SNAP29: variants seen among roughly 807,000 people sequenced by gnomAD.
SNAP29 encodes synaptosome associated protein 29.
A neutral mutation model predicts 27.9 loss-of-function variants in SNAP29; 13 were observed. That is an observed-to-expected ratio of 0.47 (90% CI 0.30 to 0.74). The LOEUF (loss-of-function observed/expected upper bound fraction) is 0.74. Among genes scored for constraint, SNAP29 ranks in the 30% least tolerant of loss-of-function variants. The pLI, the probability that SNAP29 is intolerant of heterozygous loss-of-function variation, is 0.06. For synonymous variants in SNAP29, 119 were observed against 127.1 expected (o/e 0.94, Z 0.43); for missense variants, 368 against 336.5 (o/e 1.09, Z -0.73).
At chr22:20,868,391 C>T (rs1361984840) in intron 1 of SNAP29, among the ~76,000 whole-genome samples, 1 of 152,260 alleles carries the variant, frequency 6.6e-6, no homozygotes, top group East Asian at 1.9e-4. Flanking sequence ...AAGAGTTAAA[C>T]AAAGTTTAAT....
intron 1 of SNAP29, among the ~76,000 whole-genome samples, chr22:20,863,630 A>G (rs1928386427): frequency 6.6e-6 from 1 of 151,096 alleles, no homozygotes; most frequent in Non-Finnish European, 1.5e-5. Context: ...CTTGTAAGCC[A>G]CTCGTCTCTT....
intron 1 of SNAP29, among the ~76,000 whole-genome samples, chr22:20,860,469 A>G (rs372551481): frequency 2.0e-5 from 3 of 149,020 alleles, no homozygotes; most frequent in South Asian, 4.3e-4. Context: ...TCCGGGATTC[A>G]GACGATTCTC....
intron 2 of SNAP29, among the ~76,000 whole-genome samples, chr22:20,872,622 G>A (rs545803828): frequency 1.3e-4 from 19 of 151,812 alleles, no homozygotes; most frequent in Non-Finnish European, 2.2e-4. Context: ...GGATGGTCTC[G>A]ACCTCCTGAC....
At chr22:20,862,568 G>T (rs1197290687) in intron 1 of SNAP29, among the ~76,000 whole-genome samples, 2 of 152,174 alleles carry the variant, frequency 1.3e-5, no homozygotes, top group African/African-American at 4.8e-5. Flanking sequence ...AGGCAAAAAT[G>T]TAATAGTGGT....
At chr22:20,870,852 T>G in intron 2 of SNAP29, 2 of 393,374 alleles carry the variant, frequency 5.1e-6, no homozygotes, top group South Asian at 4.3e-5. Context: ...AAAAAATCTT[T>G]AGGGCTGGGT....
rs148807162 is a variant in SNAP29 at position 20,869,152 on chromosome 22, C to G, written c.238-1185C>G. 5.6e-3 allele frequency among the ~76,000 whole-genome samples: 860 copies of G among 152,318 alleles called. 5 individuals carry two copies. Among genetic ancestry groups the G allele is most frequent in the African/African-American group, 0.019 (798 of 41,566 alleles). On this transcript the variant is annotated intron_variant, in intron 1 of 4. Coordinates refer to ENST00000215730, the MANE Select transcript of SNAP29 (RefSeq NM_004782.4). Reference sequence around the variant, plus strand: ...GCAGGCGCCTGGAATCCCAGCTACTCAGGAGACTGAGGCAGGAGAATCGCT... The same window carrying G: ...GCAGGCGCCTGGAATCCCAGCTACTGAGGAGACTGAGGCAGGAGAATCGCT...
At chr22:20,869,925 A>G (rs1017094744) in intron 1 of SNAP29, among the ~76,000 whole-genome samples, 17 of 151,920 alleles carry the variant, frequency 1.1e-4, no homozygotes, top group Admixed American at 1.1e-3. Context: ...TGCCCGCCAC[A>G]ACACCTGGCT....
intron 2 of SNAP29, among the ~76,000 whole-genome samples, chr22:20,874,256 C>G (rs1601649801): frequency 6.6e-6 from 1 of 151,068 alleles, no homozygotes; most frequent in African/African-American, 2.4e-5. Context: ...GAGCTGAGAT[C>G]ACGCCACTGC....
intron 1 of SNAP29, among the ~76,000 whole-genome samples, chr22:20,865,114 G>A (rs1055930612): frequency 6.6e-6 from 1 of 152,152 alleles, no homozygotes; most frequent in African/African-American, 2.4e-5. Flanking sequence ...TAGCACTTGG[G>A]GAGGCTGAGG....
rs1397535065 is a variant in SNAP29 at position 20,887,673 on chromosome 22, C to G, written c.620-6C>G. ...CATGCCTGCGTGTCATTTCCTCCTC[C>G]TGCAGATGAGCTGTCCATGGGACTG... On this transcript the variant is annotated splice_polypyrimidine_tract_variant and splice_region_variant and intron_variant, in intron 4 of 4. Transcript: ENST00000215730. 26 of 1,614,098 alleles carry G rather than the reference C, an allele frequency of 1.6e-5. No homozygotes were observed. The highest frequency in any genetic ancestry group is 2.2e-5 in the Non-Finnish European group (26 of 1,180,042).
intron 1 of SNAP29, among the ~76,000 whole-genome samples, chr22:20,860,686 T>G (rs1928283277): frequency 6.6e-6 from 1 of 152,028 alleles, no homozygotes; most frequent in South Asian, 2.1e-4. Flanking sequence ...GATTCTTTAT[T>G]GTACACCACA....
intron 1 of SNAP29, among the ~76,000 whole-genome samples, chr22:20,867,320 G>GC (rs1335403305): frequency 9.2e-5 from 14 of 152,022 alleles, no homozygotes; most frequent in Non-Finnish European, 1.9e-4. Context: ...GAGAAGATGG[G>GC]CCGTGGCTCT....
At chr22:20,868,960 T>A (rs1928522910) in intron 1 of SNAP29, among the ~76,000 whole-genome samples, 1 of 152,172 alleles carries the variant, frequency 6.6e-6, no homozygotes, top group Admixed American at 6.5e-5. Flanking sequence ...GACTCAGCAG[T>A]GAACAGAGCA....
rs562935601 is a variant in SNAP29 at position 20,890,632 on chromosome 22, G to T, written c.*2796G>T. 9.0e-6 allele frequency: 2 copies of T among 223,330 alleles called. No individual in the cohort carries two copies. The highest frequency in any genetic ancestry group is 8.6e-6 in the Non-Finnish European group (1 of 115,874). 13.8% of individuals were successfully genotyped at this position (223,330 alleles called of 1,614,324 possible). A position where few individuals can be genotyped will look rare whatever the true frequency, so the allele number is the denominator to read the frequency against. The stretch of plus-strand genomic sequence containing the variant: ...AAATTAGCTGGGCGTGGTGGTGGGC[G>T]CCTGTAGTCCCAGCTACTCAGGAGG... On this transcript the variant is annotated 3_prime_UTR_variant, in exon 5 of 5. Coordinates refer to ENST00000215730, the MANE Select transcript of SNAP29 (RefSeq NM_004782.4).
At chr22:20,864,514 G>A (rs1363547147) in intron 1 of SNAP29, among the ~76,000 whole-genome samples, 2 of 152,134 alleles carry the variant, frequency 1.3e-5, no homozygotes, top group Non-Finnish European at 2.9e-5. Context: ...CAGGGATTCT[G>A]GTCTTGGAGC....
At chr22:20,874,332 A>T (rs1379547443) in intron 2 of SNAP29, among the ~76,000 whole-genome samples, 1 of 146,456 alleles carries the variant, frequency 6.8e-6, no homozygotes. Context: ...ACACACACAC[A>T]CACACACGAA....
In SNAP29 at chr22:20,870,433, A is replaced by T; in HGVS notation, c.334A>T (p.Ile112Phe). Reference sequence around the variant, plus strand: ...GATCAGCCAGAAACACATCAATAGCATTAAGAGCGTGTTTGGGGGGCTGGT... The same window carrying T: ...GATCAGCCAGAAACACATCAATAGCTTTAAGAGCGTGTTTGGGGGGCTGGT... ...LKISQKHINS[I>F]KSVFGGLVNY... Residue 112 changes from isoleucine to phenylalanine, a missense_variant, in exon 2 of 5, where the codon ATT (isoleucine) becomes TTT (phenylalanine). Transcript: ENST00000215730. 1.2e-6 allele frequency: 2 copies of T among 1,614,220 alleles called. No homozygotes were observed.
At chr22:20,886,418 A>G (rs1446110381) in intron 4 of SNAP29, among the ~76,000 whole-genome samples, 1 of 150,092 alleles carries the variant, frequency 6.7e-6, no homozygotes, top group Non-Finnish European at 1.5e-5. Context: ...AGTGATTCTC[A>G]TGCCTCAGCC....
At chr22:20,886,752 C>T (rs1176495992) in intron 4 of SNAP29, among the ~76,000 whole-genome samples, 1 of 152,036 alleles carries the variant, frequency 6.6e-6, no homozygotes, top group Non-Finnish European at 1.5e-5. Flanking sequence ...GCAGGGAATA[C>T]AGGCATGCAC....
Sources: allele counts gnomAD v4.1 joint callset (sites outside exome capture counted in the v4.1 genomes callset), GRCh38; gene constraint gnomAD v4.1.1; transcripts MANE v1.5; gene names NCBI Gene and HGNC (gene_info 2026-07-23, HGNC 2026-07-21).